SV2C: variants seen among roughly 807,000 people sequenced by gnomAD.
SV2C encodes synaptic vesicle glycoprotein 2C, also known as solute carrier family 22 member B3.
In SV2C, 49 loss-of-function variants were observed where a neutral mutation model predicts 79.7. The ratio of observed to expected loss-of-function variants is 0.61; its 90% CI spans 0.49 to 0.78. SV2C has a LOEUF of 0.78. Among genes scored for constraint, SV2C ranks in the 30% least tolerant of loss-of-function variants. The pLI, the probability that SV2C is intolerant of heterozygous loss-of-function variation, is 0.00. For missense variants in SV2C, 833 were observed against 912.9 expected (o/e 0.91, Z 1.13); for synonymous variants, 334 against 333.2 (o/e 1.00, Z -0.03).
At chr5:76,243,214 A>C (rs1171860930) in intron 4 of SV2C, among the ~76,000 whole-genome samples, 2 of 152,148 alleles carry the variant, frequency 1.3e-5, no homozygotes, top group Non-Finnish European at 2.9e-5. Context: ...CTTGCACTAC[A>C]GAAATGCATG....
intron 12 of SV2C, among the ~76,000 whole-genome samples, chr5:76,305,143 A>G (rs1342504660): frequency 6.6e-6 from 1 of 152,186 alleles, no homozygotes; most frequent in Non-Finnish European, 1.5e-5. Context: ...GACAGTACCA[A>G]GGGCACAGTG....
At chr5:75,848,500 G>C in the SV2C span, among the ~76,000 whole-genome samples, 1 of 152,224 alleles carries the variant, frequency 6.6e-6, no homozygotes, top group Non-Finnish European at 1.5e-5. Flanking sequence ...TAAGTGACTT[G>C]ATAACAAGTC....
chr5:76,037,842 C>G, the SV2C span, among the ~76,000 whole-genome samples: 1 of 152,336 alleles, frequency 6.6e-6, no homozygotes, highest in East Asian at 1.9e-4. Context: ...CCTCCCCCAG[C>G]CTCGTTGCCG....
intron 3 of SV2C, among the ~76,000 whole-genome samples, chr5:76,203,935 GTATGTGTTTTTCTCCCATT>G (rs1744529854): frequency 6.6e-6 from 1 of 152,220 alleles, no homozygotes; most frequent in African/African-American, 2.4e-5. Flanking sequence ...TAGGTTACCA[GTATGTGTTTTTCTCCCATT>G]TCTATCTTTA....
the SV2C span, among the ~76,000 whole-genome samples, chr5:75,850,962 T>A: frequency 6.6e-6 from 1 of 152,198 alleles, no homozygotes; most frequent in Non-Finnish European, 1.5e-5. Context: ...GTGTCCTGTA[T>A]CATGAAGAAA....
intron 4 of SV2C, among the ~76,000 whole-genome samples, chr5:76,249,413 A>G (rs1746045378): frequency 1.3e-5 from 2 of 152,236 alleles, no homozygotes; most frequent in African/African-American, 4.8e-5. Context: ...AAGTTTAAAA[A>G]AAGACCATGT....
chr5:76,034,351 C>T, the SV2C span, among the ~76,000 whole-genome samples: 51 of 152,122 alleles, frequency 3.4e-4, no homozygotes, highest in African/African-American at 1.1e-3. Context: ...ATGCTTCCAG[C>T]TTTTGTCCAT....
At chr5:76,097,465 G>C (rs258619) in intron 1 of SV2C, among the ~76,000 whole-genome samples, 27,888 of 152,096 alleles carry the variant, frequency 0.18, 3,199 homozygotes, top group South Asian at 0.34. Context: ...ATTGGCATTT[G>C]TTGCATTTGT....
the SV2C span, among the ~76,000 whole-genome samples, chr5:75,873,212 T>A: frequency 6.6e-6 from 1 of 152,138 alleles, no homozygotes; most frequent in Admixed American, 6.6e-5. Flanking sequence ...CATGAATCAA[T>A]TGGTGAAATT....
chr5:76,053,955 A>G, the SV2C span, among the ~76,000 whole-genome samples: 6 of 152,064 alleles, frequency 3.9e-5, no homozygotes, highest in Admixed American at 2.0e-4. Flanking sequence ...AATTTTTTTA[A>G]TGGTTAAAGT....
intron 1 of SV2C, among the ~76,000 whole-genome samples, chr5:76,114,560 A>G (rs1367017476): frequency 1.3e-5 from 2 of 152,226 alleles, no homozygotes; most frequent in South Asian, 2.1e-4. Flanking sequence ...CAATCTGGCT[A>G]TGCTTTTAAA....
intron 4 of SV2C, among the ~76,000 whole-genome samples, chr5:76,274,871 A>G (rs890891912): frequency 2.6e-5 from 4 of 152,282 alleles, no homozygotes; most frequent in African/African-American, 9.6e-5. Context: ...AACCTGTGAC[A>G]TGTTGAGGGG....
intron 4 of SV2C, among the ~76,000 whole-genome samples, chr5:76,252,950 T>G (rs1746158123): frequency 6.6e-6 from 1 of 152,252 alleles, no homozygotes; most frequent in African/African-American, 2.4e-5. Context: ...CCAATACAAC[T>G]TTATTTTTTA....
intron 1 of SV2C, among the ~76,000 whole-genome samples, chr5:76,087,719 G>C (rs573245540): frequency 7.9e-4 from 120 of 152,296 alleles, no homozygotes; most frequent in Non-Finnish European, 9.4e-4. Flanking sequence ...GTACTAGATA[G>C]GATAGCAAGA....
the SV2C span, among the ~76,000 whole-genome samples, chr5:76,006,268 G>C: frequency 6.6e-6 from 1 of 152,124 alleles, no homozygotes; most frequent in African/African-American, 2.4e-5. Flanking sequence ...CATGTCCTCA[G>C]CTCTGGTCAT....
At chr5:75,970,942 C>G in the SV2C span, among the ~76,000 whole-genome samples, 18 of 151,986 alleles carry the variant, frequency 1.2e-4, no homozygotes, top group Non-Finnish European at 2.4e-4. Context: ...ACTGGCAAAC[C>G]GAATCCAGCA....
the SV2C span, among the ~76,000 whole-genome samples, chr5:75,855,649 A>C: frequency 6.6e-6 from 1 of 152,064 alleles, no homozygotes; most frequent in African/African-American, 2.4e-5. Context: ...GATCTTTTAA[A>C]ATTTTTAACT....
the SV2C span, among the ~76,000 whole-genome samples, chr5:75,947,239 G>A: frequency 6.6e-6 from 1 of 152,034 alleles, no homozygotes; most frequent in African/African-American, 2.4e-5. Flanking sequence ...AACTTGTGGA[G>A]TGGAATCCCC....
chr5:75,998,605 AGT>A, the SV2C span, among the ~76,000 whole-genome samples: 8 of 151,872 alleles, frequency 5.3e-5, no homozygotes, highest in South Asian at 1.7e-3. Context: ...AGAACATGAT[AGT>A]GTGTGTGTGT....
Sources: allele counts gnomAD v4.1 joint callset (sites outside exome capture counted in the v4.1 genomes callset), GRCh38; gene constraint gnomAD v4.1.1; transcripts MANE v1.5; gene names NCBI Gene and HGNC (gene_info 2026-07-23, HGNC 2026-07-21).